PCDH9: variants seen among roughly 807,000 people sequenced by gnomAD.
PCDH9 encodes protocadherin 9.
PCDH9 carries 24 observed loss-of-function variants against 70.6 expected under a neutral mutation model. The ratio of observed to expected loss-of-function variants is 0.34; its 90% CI spans 0.25 to 0.48. The LOEUF is 0.48. Among genes scored for constraint, PCDH9 ranks in the 20% least tolerant of loss-of-function variants. The pLI is 0.99. For synonymous variants in PCDH9, 562 were observed against 558.5 expected (o/e 1.01, Z -0.09); for missense variants, 1,281 against 1,503.6 (o/e 0.85, Z 2.45).
intron 4 of PCDH9, among the ~76,000 whole-genome samples, chr13:66,487,075 C>T (rs1958956023): frequency 6.6e-6 from 1 of 152,154 alleles, no homozygotes; most frequent in Non-Finnish European, 1.5e-5. Context: ...GATCATTTAA[C>T]ATATCACCAT....
At position 67,015,571 on chromosome 13, in the gene PCDH9, ATGAC is replaced by A. The variant is rs2084545335; in HGVS notation, c.3037-111970_3037-111967del. On this transcript the variant is annotated intron_variant, in intron 2 of 4. Transcript: ENST00000377865. ...CCCTTCTTTGTTGCTATTTCTCTCA[ATGAC>A]TGATTTCTAATCTATTTTGCTTACC... 2.0e-5 allele frequency among the ~76,000 whole-genome samples: 3 copies of A among 152,028 alleles called. No individual in the cohort carries two copies. In the South Asian group the frequency reaches 6.2e-4, roughly 31 times the overall value.
At chr13:67,064,898 A>AGATAGATAGATG in intron 2 of PCDH9, among the ~76,000 whole-genome samples, 1 of 132,910 alleles carries the variant, frequency 7.5e-6, no homozygotes. Flanking sequence ...GGAAATAGAT[A>AGATAGATAGATG]GATAGATAGA....
At chr13:66,711,494 G>T (rs1952879205) in intron 3 of PCDH9, among the ~76,000 whole-genome samples, 1 of 151,670 alleles carries the variant, frequency 6.6e-6, no homozygotes, top group South Asian at 2.1e-4. Flanking sequence ...TGTATTTGCA[G>T]TCTTATTATT....
At chr13:67,182,027 G>T (rs901366571) in intron 2 of PCDH9, among the ~76,000 whole-genome samples, 2 of 152,106 alleles carry the variant, frequency 1.3e-5, no homozygotes, top group Admixed American at 6.6e-5. Flanking sequence ...CTGAATGTGG[G>T]CATGGCTCAA....
intron 2 of PCDH9, among the ~76,000 whole-genome samples, chr13:67,046,758 C>T (rs1375076405): frequency 1.3e-5 from 2 of 151,612 alleles, no homozygotes; most frequent in Non-Finnish European, 2.9e-5. Flanking sequence ...ATAGAAAAAA[C>T]ACACTAAGAA....
intron 2 of PCDH9, among the ~76,000 whole-genome samples, chr13:67,004,879 T>A (rs1428272950): frequency 6.6e-6 from 1 of 152,108 alleles, no homozygotes; most frequent in Non-Finnish European, 1.5e-5. Context: ...ATAAATGCTT[T>A]AGCTATTATT....
intron 4 of PCDH9, among the ~76,000 whole-genome samples, chr13:66,310,518 A>G (rs1955543535): frequency 6.6e-6 from 1 of 152,058 alleles, no homozygotes; most frequent in Admixed American, 6.6e-5. Context: ...TGCTGTAATT[A>G]AGAAATAGCT....
chr13:66,346,306 T>A (rs1373294068), intron 4 of PCDH9, among the ~76,000 whole-genome samples: 6 of 152,380 alleles, frequency 3.9e-5, no homozygotes, highest in African/African-American at 1.4e-4. Context: ...TCTTTGGTTA[T>A]CTTCCATGAC....
At chr13:66,344,205 C>T (rs555986609) in intron 4 of PCDH9, among the ~76,000 whole-genome samples, 15 of 152,132 alleles carry the variant, frequency 9.9e-5, no homozygotes, top group Non-Finnish European at 1.9e-4. Context: ...TGCAGTGGCA[C>T]AATCTCAGCT....
intron 2 of PCDH9, among the ~76,000 whole-genome samples, chr13:66,947,125 A>G (rs2083100894): frequency 6.6e-6 from 1 of 152,190 alleles, no homozygotes; most frequent in Non-Finnish European, 1.5e-5. Context: ...GCTGGTTGGC[A>G]TGACAGCAGG....
chr13:66,863,077 A>C (rs77234320), intron 3 of PCDH9, among the ~76,000 whole-genome samples: 4,630 of 152,300 alleles, frequency 0.03, 241 homozygotes, highest in African/African-American at 0.1. Flanking sequence ...ATAGTTGGTA[A>C]CTTTAAAATA....
Position 66,911,684 on chromosome 13 carries a change from T to C in PCDH9, c.3037-8079A>G, listed in dbSNP as rs57004911. ...ATATTATTACCTTACTGTAAAGCCA[T>C]TTCACAAGAGCAATAATGCATTGAA... On this transcript the variant is annotated intron_variant, in intron 2 of 4. Coordinates refer to ENST00000377865, the MANE Select transcript of PCDH9 (RefSeq NM_203487.3). 1.9e-4 allele frequency among the ~76,000 whole-genome samples: 29 copies of C among 152,260 alleles called. No homozygotes were observed. The East Asian group carries it at 5.6e-3, about 29-fold the overall frequency.
intron 4 of PCDH9, among the ~76,000 whole-genome samples, chr13:66,567,418 A>G (rs1260122270): frequency 1.3e-5 from 2 of 152,188 alleles, no homozygotes; most frequent in Middle Eastern, 3.4e-3. Flanking sequence ...TCCCTTTCCC[A>G]TTCATTACAC....
chr13:66,599,807 C>G (rs2077144755), intron 4 of PCDH9, among the ~76,000 whole-genome samples: 1 of 151,808 alleles, frequency 6.6e-6, no homozygotes, highest in Non-Finnish European at 1.5e-5. Context: ...TAGACTATAT[C>G]TACTAGAGGA....
intron 4 of PCDH9, among the ~76,000 whole-genome samples, chr13:66,456,785 A>T (rs967659630): frequency 4.6e-5 from 7 of 152,104 alleles, no homozygotes; most frequent in Non-Finnish European, 7.4e-5. Flanking sequence ...ATACTAGAAG[A>T]TTTGGAAAGA....
intron 4 of PCDH9, among the ~76,000 whole-genome samples, chr13:66,514,904 C>G (rs1226383233): frequency 6.6e-6 from 1 of 152,062 alleles, no homozygotes; most frequent in East Asian, 1.9e-4. Context: ...TAGTCCATTT[C>G]ATACAGAGAC....
intron 4 of PCDH9, among the ~76,000 whole-genome samples, chr13:66,588,960 A>G (rs1470801933): frequency 6.6e-6 from 1 of 152,044 alleles, no homozygotes; most frequent in East Asian, 1.9e-4. Context: ...TTAGTAATCA[A>G]TATTTCTGAA....
At chr13:67,131,579 T>A (rs901832222) in intron 2 of PCDH9, among the ~76,000 whole-genome samples, 7 of 152,154 alleles carry the variant, frequency 4.6e-5, no homozygotes, top group Non-Finnish European at 1.0e-4. Flanking sequence ...AAAAATAGCA[T>A]AATCAGCATG....
In PCDH9 at chr13:66,545,604, A is replaced by C. The variant is rs536797763; in HGVS notation, c.3340+85606T>G. Among the ~76,000 whole-genome samples, 5 of 152,138 alleles carry C rather than the reference A, an allele frequency of 3.3e-5. No homozygotes were observed. In the East Asian group the frequency reaches 9.7e-4, roughly 29 times the overall value. On this transcript the variant is annotated intron_variant, in intron 4 of 4. Coordinates refer to ENST00000377865, the MANE Select transcript of PCDH9 (RefSeq NM_203487.3). ...ACAATGGCACTTGAAAATTCCTATC[A>C]CCTAGTGATGTTTTAACCATGATAC...
Sources: allele counts gnomAD v4.1 joint callset (sites outside exome capture counted in the v4.1 genomes callset), GRCh38; gene constraint gnomAD v4.1.1; transcripts MANE v1.5; gene names NCBI Gene and HGNC (gene_info 2026-07-23, HGNC 2026-07-21).